ETV6: variants seen among roughly 807,000 people sequenced by gnomAD.
The protein encoded by ETV6 is ETS variant transcription factor 6, also known as transcription factor ETV6.
Under a neutral mutation model 51.1 loss-of-function variants are expected in ETV6, and 16 were observed. That is an observed-to-expected ratio of 0.31 (90% CI 0.21 to 0.48). The LOEUF (loss-of-function observed/expected upper bound fraction) is 0.48, where lower values mean the gene tolerates loss of function less well. ETV6 is among the 20% of genes least tolerant of loss of function. The pLI is 0.99. For synonymous variants in ETV6, 240 were observed against 224.1 expected (o/e 1.07, Z -0.64); for missense variants, 458 against 594.8 (o/e 0.77, Z 2.39).
intron 4 of ETV6, among the ~76,000 whole-genome samples, chr12:11,865,957 T>C (rs1439566898): frequency 6.6e-6 from 1 of 152,062 alleles, no homozygotes; most frequent in African/African-American, 2.4e-5. Context: ...TATTTTTTAA[T>C]TTATTCTACT....
rs1459501086 is a variant in ETV6 at position 11,893,835 on chromosome 12, TATATATAC to T, written c.*2791_*2798del. 758 of 48,924 alleles carry T rather than the reference TATATATAC, an allele frequency of 0.015. 29 individuals are homozygous for T. The highest frequency in any genetic ancestry group is 0.039 in the Middle Eastern group (4 of 102). The allele number at this position is 48,924 out of a possible 1,614,324, so 3.0% of individuals were successfully genotyped here. A position where few individuals can be genotyped will look rare whatever the true frequency, so the allele number is the denominator to read the frequency against. On this transcript the variant is annotated 3_prime_UTR_variant, in exon 8 of 8. Coordinates refer to ENST00000396373, the MANE Select transcript of ETV6 (RefSeq NM_001987.5). ...ATATATATATATATATATATATATA[TATATATAC>T]ACACACACACACATACACAAATATT...
intron 5 of ETV6, among the ~76,000 whole-genome samples, chr12:11,875,126 TCAGTAGGTGGTTGA>T (rs1946963306): frequency 6.6e-6 from 1 of 152,144 alleles, no homozygotes. Flanking sequence ...GAAAGGAAAT[TCAGTAGGTGGTTGA>T]CAGTTTAAAT....
intron 2 of ETV6, among the ~76,000 whole-genome samples, chr12:11,802,217 TC>T (rs1945760822): frequency 1.3e-5 from 2 of 152,148 alleles, no homozygotes; most frequent in Non-Finnish European, 2.9e-5. Flanking sequence ...GGCAAGAAAG[TC>T]CAAGCGTACA....
chr12:11,829,635 C>T (rs900215209), intron 2 of ETV6, among the ~76,000 whole-genome samples: 10 of 152,102 alleles, frequency 6.6e-5, no homozygotes, highest in African/African-American at 1.4e-4. Context: ...GCTAAAAACC[C>T]GTTTGTAGCT....
At chr12:11,883,276 CTTTTTTTTTTTT>C (rs547786286) in intron 5 of ETV6, among the ~76,000 whole-genome samples, 1,127 of 79,158 alleles carry the variant, frequency 0.014, 71 homozygotes, top group East Asian at 0.072. Flanking sequence ...ATGTCTTCTT[CTTTTTTTTTTTT>C]TTTTTTTTTT....
intron 1 of ETV6, among the ~76,000 whole-genome samples, chr12:11,652,398 ATG>A (rs530377484): frequency 2.2e-4 from 34 of 152,190 alleles, no homozygotes; most frequent in Non-Finnish European, 4.3e-4. Flanking sequence ...AGTCCTTGGG[ATG>A]TGGTACGGTG....
intron 2 of ETV6, among the ~76,000 whole-genome samples, chr12:11,813,452 C>T (rs1945944464): frequency 6.6e-6 from 1 of 152,216 alleles, no homozygotes; most frequent in Admixed American, 6.5e-5. Context: ...ACCCCAGATG[C>T]TGAGGAAGTA....
chr12:11,894,060 C>G lies in ETV6; in HGVS notation c.*3014C>G, dbSNP rs1262905769. 1 of 227,346 alleles carries G rather than the reference C, an allele frequency of 4.4e-6. No individual in the cohort carries two copies. Among genetic ancestry groups the G allele is most frequent in the East Asian group, 6.3e-5 (1 of 15,920 alleles). 14.1% of individuals were successfully genotyped at this position (227,346 alleles called of 1,614,324 possible). ...AGCACCTGGATACAGTATTTACACC[C>G]TGCAGACCCTAAAGATTTCAGATTC... On this transcript the variant is annotated 3_prime_UTR_variant, in exon 8 of 8. Transcript: ENST00000396373.
intron 2 of ETV6, among the ~76,000 whole-genome samples, chr12:11,772,786 C>T (rs552195126): frequency 6.6e-6 from 1 of 152,234 alleles, no homozygotes; most frequent in Non-Finnish European, 1.5e-5. Flanking sequence ...CTTCAATCAA[C>T]AAAAGCCTAA....
chr12:11,686,095 C>G (rs928499813), intron 1 of ETV6, among the ~76,000 whole-genome samples: 1 of 152,214 alleles, frequency 6.6e-6, no homozygotes, highest in African/African-American at 2.4e-5. Flanking sequence ...TTCTATCACT[C>G]TTACTCCTGA....
chr12:11,866,500 G>A (rs1946792616), intron 4 of ETV6, among the ~76,000 whole-genome samples: 3 of 152,294 alleles, frequency 2.0e-5, no homozygotes, highest in Non-Finnish European at 2.9e-5. Flanking sequence ...TTTGTTCTAG[G>A]AGGCAATCAA....
intron 1 of ETV6, among the ~76,000 whole-genome samples, chr12:11,685,324 A>G (rs1182357394): frequency 4.8e-5 from 7 of 147,348 alleles, no homozygotes; most frequent in African/African-American, 1.0e-4. Flanking sequence ...ACATTTCAGA[A>G]AAAAAAAAAA....
chr12:11,880,336 T>C (rs1365314516), intron 5 of ETV6, among the ~76,000 whole-genome samples: 1 of 152,208 alleles, frequency 6.6e-6, no homozygotes, highest in African/African-American at 2.4e-5. Flanking sequence ...TTCACATTTA[T>C]GAAAGGAAAA....
chr12:11,655,518 C>T (rs1016706349), intron 1 of ETV6, among the ~76,000 whole-genome samples: 1 of 152,148 alleles, frequency 6.6e-6, no homozygotes, highest in Non-Finnish European at 1.5e-5. Context: ...ATTTTCCAAA[C>T]ATACAGGAAC....
intron 2 of ETV6, among the ~76,000 whole-genome samples, chr12:11,816,601 C>G (rs1349557026): frequency 6.6e-6 from 1 of 152,136 alleles, no homozygotes; most frequent in Non-Finnish European, 1.5e-5. Flanking sequence ...CTCTCTGATC[C>G]TTTTAGTTTT....
At chr12:11,715,628 C>G (rs1865259803) in intron 1 of ETV6, among the ~76,000 whole-genome samples, 1 of 152,246 alleles carries the variant, frequency 6.6e-6, no homozygotes, top group Non-Finnish European at 1.5e-5. Flanking sequence ...TCAGTACTCC[C>G]TGATGCTGCT....
At position 11,869,482 on chromosome 12, in the gene ETV6, C is replaced by A. The variant is rs1376405107; in HGVS notation, c.522C>A (p.Pro174=). Residue 174 remains proline, a synonymous_variant, in exon 5 of 8, where the codon CCC becomes CCA. Coordinates refer to ENST00000396373, the MANE Select transcript of ETV6 (RefSeq NM_001987.5). This position sits in a 1 kb window ranked among gnomAD's most constrained non-coding sequence, Gnocchi z 5.0. ...TGGATAATGTGCACCATAACCCTCC[C>A]ACCATTGAACTGTTGCACCGCTCCA... ...PSVDNVHHNP[P]TIELLHRSRS... The A allele has an allele frequency of 1.2e-6, 2 of 1,614,102 alleles. No individual in the cohort carries two copies. The highest frequency in any genetic ancestry group is 1.7e-6 in the Non-Finnish European group (2 of 1,180,018).
chr12:11,872,620 A>G (rs1946899135), intron 5 of ETV6, among the ~76,000 whole-genome samples: 1 of 151,240 alleles, frequency 6.6e-6, no homozygotes, highest in African/African-American at 2.4e-5. Context: ...CAGCCTCCTG[A>G]GTAGCAGGGA....
chr12:11,855,137 T>G (rs1384938177), intron 4 of ETV6, among the ~76,000 whole-genome samples: 1 of 28,818 alleles, frequency 3.5e-5, no homozygotes, highest in Non-Finnish European at 7.2e-5. Flanking sequence ...CTACTAAAAA[T>G]ACAAAAAAAA....
Sources: allele counts gnomAD v4.1 joint callset (sites outside exome capture counted in the v4.1 genomes callset), GRCh38; gene constraint gnomAD v4.1.1; non-coding constraint Gnocchi (gnomAD v3.1); transcripts MANE v1.5; gene names NCBI Gene and HGNC (gene_info 2026-07-23, HGNC 2026-07-21).